LRP2: variants seen among roughly 807,000 people sequenced by gnomAD.
LRP2 encodes low-density lipoprotein receptor-related protein 2.
LRP2 carries 172 observed loss-of-function variants against 531.0 expected under a neutral mutation model. That is an observed-to-expected ratio of 0.32 (90% CI 0.29 to 0.37). The LOEUF is 0.37. Ranked by LOEUF, LRP2 falls within the 10% of genes least tolerant of loss-of-function variation. The pLI is 1.00. For missense variants in LRP2, 5,167 were observed against 5,868.3 expected (o/e 0.88, Z 3.90); for synonymous variants, 1,992 against 2,027.6 (o/e 0.98, Z 0.47).
At chr2:169,157,917 G>GAAATAAAT (rs71397691) in intron 63 of LRP2, among the ~76,000 whole-genome samples, 12,038 of 130,580 alleles carry the variant, frequency 0.092, 565 homozygotes, top group Admixed American at 0.11. Flanking sequence ...ATAACAGATA[G>GAAATAAAT]AAATAAATAA....
chr2:169,316,586 G>A (rs1041127234), intron 3 of LRP2, among the ~76,000 whole-genome samples: 7 of 152,132 alleles, frequency 4.6e-5, no homozygotes, highest in African/African-American at 1.7e-4. Flanking sequence ...GTTCAGGAGG[G>A]AAGATGATTA....
chr2:169,270,809 A>G, intron 16 of LRP2, 95 bp downstream of exon 16: 1 of 580,174 alleles, frequency 1.7e-6, no homozygotes, highest in Non-Finnish European at 2.9e-6. Flanking sequence ...CTTAAAAATT[A>G]GATACTGAGT....
At position 169,188,223 on chromosome 2, in the gene LRP2, C is replaced by G; in HGVS notation, c.9075G>C (p.Arg3025Ser). Residue 3025 changes from arginine to serine, a missense_variant, in exon 49 of 79, where the codon AGG becomes AGC. Physicochemically the swap from Arg to Ser is moderately radical, Grantham distance 110. Around this residue, in one of 6 missense-constraint regions of LRP2, gnomAD observed 1,129 missense variants for 1,362.7 expected, o/e 0.83. Transcript: ENST00000649046. ...HNDCGDYSDE[R>S]GCLYQTCQQN... ...GTTGGCAAGTCTGGTATAAGCAGCC[C>G]CTCTCGTCGCTATAGTCACCACAGT... is the stretch of plus-strand genomic sequence containing the variant. The G allele has an allele frequency of 6.2e-7, 1 of 1,614,132 alleles. No individual in the cohort carries two copies. The highest frequency in any genetic ancestry group is 2.2e-5 in the East Asian group (1 of 44,890).
At chr2:169,238,046 G>A in intron 27 of LRP2, 45 bp downstream of exon 27, 1 of 1,542,206 alleles carries the variant, frequency 6.5e-7, no homozygotes, top group Non-Finnish European at 9.0e-7. Context: ...ACAGACCCAA[G>A]ACAGAGGAAC....
intron 2 of LRP2, 53 bp from the exon 3 acceptor site, chr2:169,318,937 T>C: frequency 6.2e-7 from 1 of 1,604,240 alleles, no homozygotes; most frequent in Non-Finnish European, 8.5e-7. Flanking sequence ...CCCATTATAC[T>C]AGCAAGCAAT....
At chr2:169,342,347 C>CAACAA (rs1685585620) in intron 1 of LRP2, among the ~76,000 whole-genome samples, 1 of 152,134 alleles carries the variant, frequency 6.6e-6, no homozygotes. Context: ...AAAGCTTTCT[C>CAACAA]TTTGTTCCAT....
chr2:169,265,386 A>G (rs1690758980), intron 16 of LRP2, among the ~76,000 whole-genome samples: 1 of 152,098 alleles, frequency 6.6e-6, no homozygotes, highest in Non-Finnish European at 1.5e-5. Context: ...GTCAGGTTTT[A>G]TAACCTCACC....
At chr2:169,347,603 T>C (rs1047148564) in intron 1 of LRP2, among the ~76,000 whole-genome samples, 5 of 147,190 alleles carry the variant, frequency 3.4e-5, no homozygotes. Flanking sequence ...AAAAAAAAGG[T>C]GTTCCCAGAT....
At chr2:169,288,969 G>A (rs1683929806) in intron 9 of LRP2, 57 bp downstream of exon 9, 4 of 1,610,274 alleles carry the variant, frequency 2.5e-6, no homozygotes, top group Non-Finnish European at 3.4e-6. Flanking sequence ...CAGAGATCAG[G>A]GCACCCATCA....
Position 169,168,519 on chromosome 2 carries a change from T to C in LRP2, c.11635+20A>G. 1 of 1,613,894 alleles carries C rather than the reference T, an allele frequency of 6.2e-7. No homozygotes were observed. Among genetic ancestry groups the C allele is most frequent in the Non-Finnish European group, 8.5e-7 (1 of 1,179,830 alleles). On this transcript the variant is annotated intron_variant, in intron 61 of 78. Transcript: ENST00000649046. ...GACAGACAACACCACTCCCATTCAC[T>C]CCGTTTCTCTCCCTCTTACAGCACA...
chr2:169,193,444 G>A (rs1365309938), intron 47 of LRP2, among the ~76,000 whole-genome samples: 3 of 142,576 alleles, frequency 2.1e-5, no homozygotes, highest in Non-Finnish European at 4.6e-5. Flanking sequence ...AAAAAAAAAA[G>A]AAAGAAAGAA....
chr2:169,279,667 G>C (rs1436413265), intron 11 of LRP2, 72 bp from the exon 12 acceptor site: 1 of 938,362 alleles, frequency 1.1e-6, no homozygotes, highest in Non-Finnish European at 1.7e-6. Flanking sequence ...ATTTTTTTTA[G>C]CTATAATCAA....
chr2:169,207,801 A>G (rs572554358), intron 38 of LRP2, among the ~76,000 whole-genome samples: 2 of 152,346 alleles, frequency 1.3e-5, no homozygotes, highest in African/African-American at 4.8e-5. Flanking sequence ...CCAAAAGTCC[A>G]TTTCCCTTTG....
At chr2:169,194,928 C>G (rs1361033166) in intron 46 of LRP2, among the ~76,000 whole-genome samples, 4 of 151,798 alleles carry the variant, frequency 2.6e-5, no homozygotes, top group Non-Finnish European at 5.9e-5. Context: ...CCAGGATGGT[C>G]TCGATCTCTT....
At chr2:169,315,282 G>A (rs565323875) in intron 3 of LRP2, among the ~76,000 whole-genome samples, 1 of 152,172 alleles carries the variant, frequency 6.6e-6, no homozygotes, top group South Asian at 2.1e-4. Flanking sequence ...GTCTTCTAGG[G>A]GACACTAAGG....
At chr2:169,337,564 T>C (rs1330958941) in intron 1 of LRP2, among the ~76,000 whole-genome samples, 2 of 152,108 alleles carry the variant, frequency 1.3e-5, no homozygotes, top group South Asian at 2.1e-4. Flanking sequence ...TAAGGAAATA[T>C]TGCAAAAACA....
At chr2:169,174,400 C>A (rs1367206880) in intron 55 of LRP2, among the ~76,000 whole-genome samples, 1 of 152,192 alleles carries the variant, frequency 6.6e-6, no homozygotes, top group Non-Finnish European at 1.5e-5. Context: ...GAACTGAACA[C>A]CCTGACCTGT....
Position 169,185,872 on chromosome 2 carries a change from A to T in LRP2, c.9476T>A (p.Met3159Lys). 1 of 1,614,064 alleles carries T rather than the reference A, an allele frequency of 6.2e-7. No homozygotes were observed. Among genetic ancestry groups the T allele is most frequent in the Non-Finnish European group, 8.5e-7 (1 of 1,179,990 alleles). Reference sequence around the variant, plus strand: ...ACACTTCTGGCTACAGACAAAAGGCATCTCTGTGCATTCATCAATATCAAC... The same window carrying T: ...ACACTTCTGGCTACAGACAAAAGGCTTCTCTGTGCATTCATCAATATCAAC... ...TCVDIDECTEMPFVCSQKCEN... is the reference protein window; with the variant it reads ...TCVDIDECTEKPFVCSQKCEN... The change falls in exon 50 of 79, where the codon ATG (methionine) becomes AAG (lysine). Residue 3159 changes from methionine to lysine, a missense_variant. Coordinates refer to ENST00000649046, the MANE Select transcript of LRP2 (RefSeq NM_004525.3).
rs1559078425 is a variant in LRP2, at chr2:169,328,458, A to AAAAAAAG, written c.80-7581_80-7575dup. 3.2e-3 allele frequency among the ~76,000 whole-genome samples: 469 copies of AAAAAAAG among 144,482 alleles called. 1 individual carries two copies. The highest frequency in any genetic ancestry group is 4.2e-3 in the Non-Finnish European group (279 of 66,256). 94.8% of individuals were successfully genotyped at this position (144,482 alleles called of 152,430 possible). ...GGCCGGGATAAAAAAAAAAAAAAAA[A>AAAAAAAG]AAAAAAGAAAAAAAAAGAAATAAAT... On this transcript the variant is annotated intron_variant, in intron 1 of 78. Transcript: ENST00000649046.
Sources: gnomAD v4.1 joint callset for allele counts (sites outside exome capture counted in the v4.1 genomes callset) on GRCh38, gnomAD v4.1.1 for gene constraint, gnomAD v4.1.1 regional missense constraint, MANE v1.5 for transcripts, NCBI Gene and HGNC (gene_info 2026-07-23, HGNC 2026-07-21) for gene names.